Variants in OXR1 observed in about 807,000 individuals in gnomAD.
OXR1 encodes oxidation resistance protein 1.
OXR1 carries 41 observed loss-of-function variants against 104.6 expected under a neutral mutation model. The ratio of observed to expected loss-of-function variants is 0.39; its 90% confidence interval spans 0.31 to 0.51. The LOEUF (loss-of-function observed/expected upper bound fraction) is 0.51, where lower values mean the gene tolerates loss of function less well. OXR1 is among the 20% of genes least tolerant of loss of function. OXR1 has a pLI of 0.77. For missense variants in OXR1, 955 were observed against 1,031.9 expected (o/e 0.93, Z 1.02); for synonymous variants, 348 against 348.4 (o/e 1.00, Z 0.01).
chr8:106,346,541 A>C (rs922976842), intron 1 of OXR1, among the ~76,000 whole-genome samples: 4 of 152,198 alleles, frequency 2.6e-5, no homozygotes, highest in Non-Finnish European at 2.9e-5. Flanking sequence ...ATGGTTAATA[A>C]AGTTGCTGTG....
intron 1 of OXR1, among the ~76,000 whole-genome samples, chr8:106,291,238 G>C (rs554122802): frequency 6.6e-6 from 1 of 152,050 alleles, no homozygotes; most frequent in Non-Finnish European, 1.5e-5. Context: ...TAAATATTGA[G>C]AACACATGAA....
At chr8:106,717,342 G>T (rs1832365327) in intron 11 of OXR1, among the ~76,000 whole-genome samples, 1 of 152,110 alleles carries the variant, frequency 6.6e-6, no homozygotes, top group Non-Finnish European at 1.5e-5. Flanking sequence ...AATGTGCCGT[G>T]ATGTTTTTTA....
intron 3 of OXR1, among the ~76,000 whole-genome samples, chr8:106,544,424 A>G (rs1271028823): frequency 6.6e-6 from 1 of 152,140 alleles, no homozygotes; most frequent in Non-Finnish European, 1.5e-5. Flanking sequence ...TTTTCACTTT[A>G]TCTTGCTTTA....
chr8:106,375,150 G>A (rs980561347), intron 2 of OXR1, among the ~76,000 whole-genome samples: 8 of 152,100 alleles, frequency 5.3e-5, no homozygotes, highest in African/African-American at 1.9e-4. Context: ...AATTTGCATA[G>A]AATCAGGCTC....
In OXR1 at chr8:106,641,982, G is replaced by A. The variant is rs189021569; in HGVS notation, c.221-37228G>A. Among the ~76,000 whole-genome samples the A allele has an allele frequency of 2.2e-4, 33 of 151,694 alleles. No homozygotes were observed. In the East Asian group the frequency reaches 6.2e-3, roughly 29 times the overall value. The stretch of plus-strand genomic sequence containing the variant: ...AGATGGGGTCTTGCCATATTGCCCT[G>A]GCTAGGCTTGAACTCCTGGGCTCAA... On this transcript the variant is annotated intron_variant, in intron 3 of 16. Coordinates refer to ENST00000517566, the MANE Select transcript of OXR1 (RefSeq NM_001198533.2).
intron 3 of OXR1, 143 bp from the exon 4 acceptor site, chr8:106,679,067 T>A: frequency 2.2e-6 from 1 of 456,224 alleles, no homozygotes; most frequent in Non-Finnish European, 4.0e-6. Flanking sequence ...TGACAGTTGC[T>A]TGATTTTTAC....
At chr8:106,604,465 A>G (rs1294505415) in intron 3 of OXR1, among the ~76,000 whole-genome samples, 3 of 152,198 alleles carry the variant, frequency 2.0e-5, no homozygotes, top group African/African-American at 7.2e-5. Flanking sequence ...TATTATTGAT[A>G]TCCTCCAAAC....
At chr8:106,505,004 T>C (rs1456479841) in intron 2 of OXR1, among the ~76,000 whole-genome samples, 1 of 152,180 alleles carries the variant, frequency 6.6e-6, no homozygotes, top group Non-Finnish European at 1.5e-5. Flanking sequence ...TCAACACATG[T>C]TTAAAAGAAT....
At chr8:106,270,647 G>A (rs1811756639) in intron 1 of OXR1, among the ~76,000 whole-genome samples, 1 of 151,998 alleles carries the variant, frequency 6.6e-6, no homozygotes, top group Non-Finnish European at 1.5e-5. Context: ...GGAGGAGACC[G>A]GGCGGCGAGG....
At chr8:106,726,030 C>T (rs1833303847) in intron 11 of OXR1, 1 of 597,636 alleles carries the variant, frequency 1.7e-6, no homozygotes, top group Non-Finnish European at 2.6e-6. Context: ...CTCTTCCCTC[C>T]CCAGCTTTAC....
At chr8:106,750,151 C>T (rs1432432837) in intron 16 of OXR1, among the ~76,000 whole-genome samples, 1 of 125,340 alleles carries the variant, frequency 8.0e-6, no homozygotes, top group African/African-American at 2.6e-5. Flanking sequence ...TAAACACACA[C>T]ATACACAAAA....
chr8:106,464,046 T>A (rs147333282), intron 2 of OXR1, among the ~76,000 whole-genome samples: 1,703 of 151,852 alleles, frequency 0.011, 30 homozygotes, highest in African/African-American at 0.039. Context: ...TGAACTTACC[T>A]ATTTTTTTCT....
Position 106,705,500 on chromosome 8 carries a change from A to T in OXR1, c.861-882A>T, listed in dbSNP as rs150000747. 4.2e-3 allele frequency among the ~76,000 whole-genome samples: 638 copies of T among 152,234 alleles called. 4 individuals carry two copies. Among genetic ancestry groups the T allele is most frequent in the Non-Finnish European group, 5.9e-3 (403 of 67,974 alleles). On this transcript the variant is annotated intron_variant, in intron 8 of 16. Coordinates refer to ENST00000517566, the MANE Select transcript of OXR1 (RefSeq NM_001198533.2). Reference sequence around the variant, plus strand: ...TTATTTTTGTGTTGACTTACTTTACAATCTTTCCTTTTCAGCATATTTTAC... The same window carrying T: ...TTATTTTTGTGTTGACTTACTTTACTATCTTTCCTTTTCAGCATATTTTAC...
intron 2 of OXR1, among the ~76,000 whole-genome samples, chr8:106,475,588 T>C (rs1406457605): frequency 1.3e-5 from 2 of 152,014 alleles, no homozygotes; most frequent in Admixed American, 6.6e-5. Context: ...AAAATGTTTC[T>C]GTACTGTACT....
At chr8:106,665,670 T>G (rs1826231612) in intron 3 of OXR1, among the ~76,000 whole-genome samples, 1 of 152,180 alleles carries the variant, frequency 6.6e-6, no homozygotes, top group African/African-American at 2.4e-5. Context: ...CTGCAGATAG[T>G]GTTTTTCTGT....
chr8:106,599,304 A>G (rs1315823332), intron 3 of OXR1, among the ~76,000 whole-genome samples: 1 of 152,234 alleles, frequency 6.6e-6, no homozygotes, highest in East Asian at 1.9e-4. Context: ...GAGTAGTTTA[A>G]AAGTGTGCAC....
rs1159738277 is a variant in OXR1 at position 106,708,187 on chromosome 8, T to C, written c.1624+1042T>C. ...CAGGCAGATTGCTTGAACCTAGGAGTTGGAGAACAGCTTGGGCACCATGGC... is the reference window on the plus strand; with the variant it reads ...CAGGCAGATTGCTTGAACCTAGGAGCTGGAGAACAGCTTGGGCACCATGGC... On this transcript the variant is annotated intron_variant, in intron 9 of 16. Transcript: ENST00000517566. Among the ~76,000 whole-genome samples the C allele has an allele frequency of 2.0e-5, 3 of 151,566 alleles. No individual in the cohort carries two copies. The East Asian group carries it at 5.8e-4, about 29-fold the overall frequency.
intron 1 of OXR1, among the ~76,000 whole-genome samples, chr8:106,292,982 G>A (rs1812819359): frequency 6.6e-6 from 1 of 152,232 alleles, no homozygotes; most frequent in African/African-American, 2.4e-5. Context: ...GGCTGTTGCT[G>A]TGACGTGAGA....
At chr8:106,631,299 C>T (rs1822665593) in intron 3 of OXR1, among the ~76,000 whole-genome samples, 2 of 152,086 alleles carry the variant, frequency 1.3e-5, no homozygotes, top group African/African-American at 2.4e-5. Flanking sequence ...TAGAGATAAA[C>T]GTAAGTATTA....
Sources: gnomAD v4.1 joint callset for allele counts (sites outside exome capture counted in the v4.1 genomes callset) on GRCh38, gnomAD v4.1.1 for gene constraint, MANE v1.5 for transcripts, NCBI Gene and HGNC (gene_info 2026-07-23, HGNC 2026-07-21) for gene names.